The following ERLEC1 variants were observed in gnomAD, a reference collection of about 807,000 sequenced individuals.
The protein encoded by ERLEC1 is endoplasmic reticulum lectin 1.
Under a neutral mutation model 68.0 loss-of-function variants are expected in ERLEC1, and 47 were observed. The ratio of observed to expected loss-of-function variants is 0.69; its 90% CI spans 0.55 to 0.88. ERLEC1 has a LOEUF of 0.88. ERLEC1 is among the 40% of genes least tolerant of loss of function. The pLI is 0.00. For missense variants in ERLEC1, 567 were observed against 583.8 expected, an observed-to-expected ratio of 0.97 and a Z score of 0.30; for synonymous variants, 225 against 203.2, an observed-to-expected ratio of 1.11 and a Z score of -0.91.
At chr2:53,812,835 A>G in intron 10 of ERLEC1, 114 bp from the exon 11 acceptor site, 2 of 1,038,742 alleles carry the variant, frequency 1.9e-6, no homozygotes, top group East Asian at 2.6e-5. Flanking sequence ...ACACCTAAAT[A>G]TAGATATCCA....
intron 1 of ERLEC1, among the ~76,000 whole-genome samples, chr2:53,790,735 A>G (rs562199100): frequency 3.4e-4 from 52 of 152,266 alleles, no homozygotes; most frequent in African/African-American, 1.1e-3. Context: ...AGCCTCTTAA[A>G]GCGCTGGGAT....
At chr2:53,800,803 T>G (rs1675962620) in intron 6 of ERLEC1, among the ~76,000 whole-genome samples, 1 of 152,180 alleles carries the variant, frequency 6.6e-6, no homozygotes, top group Admixed American at 6.5e-5. Flanking sequence ...TTGCTGGCCT[T>G]GAGTATATTT....
chr2:53,792,696 G>T (rs960927090), intron 1 of ERLEC1, among the ~76,000 whole-genome samples: 1 of 152,150 alleles, frequency 6.6e-6, no homozygotes, highest in Non-Finnish European at 1.5e-5. Context: ...TTACAGTGGT[G>T]CCAAGTAGTA....
chr2:53,810,591 G>T (rs112788683), intron 10 of ERLEC1, among the ~76,000 whole-genome samples: 1,540 of 152,120 alleles, frequency 0.01, 26 homozygotes, highest in African/African-American at 0.035. Context: ...ATCTAAAAAA[G>T]AAAATAATAC....
intron 11 of ERLEC1, 145 bp from the exon 12 acceptor site, chr2:53,814,398 A>T: frequency 1.9e-6 from 1 of 512,842 alleles, no homozygotes; most frequent in Non-Finnish European, 3.4e-6. Flanking sequence ...CCCTAAAAAT[A>T]TTTTTTTAAA....
intron 1 of ERLEC1, among the ~76,000 whole-genome samples, chr2:53,789,310 C>G (rs984198761): frequency 1.3e-5 from 2 of 148,820 alleles, no homozygotes; most frequent in Admixed American, 1.4e-4. Flanking sequence ...AGGAGAATCG[C>G]TTAAACCCGG....
Position 53,808,363 on chromosome 2 carries a change from C to G in ERLEC1, c.944C>G (p.Ser315Cys). ...PAIHKSIAIG[S>C]QPVLTVGTTH... ...ATCCACAAGTCGATTGCTATTGGCT[C>G]TCAGCCAGTGCTCACTGTTGGGACA... is the stretch of plus-strand genomic sequence containing the variant. The change falls in exon 9 of 14, where the codon TCT (serine) becomes TGT (cysteine). Residue 315 changes from serine to cysteine, a missense_variant. Physicochemically the swap from Ser to Cys is moderately radical, Grantham distance 112. Transcript: ENST00000185150. 2 of 1,614,158 alleles carry G rather than the reference C, an allele frequency of 1.2e-6. No individual in the cohort carries two copies. Among genetic ancestry groups the G allele is most frequent in the African/African-American group, 1.3e-5 (1 of 75,050 alleles).
intron 1 of ERLEC1, among the ~76,000 whole-genome samples, chr2:53,791,530 T>G (rs1252886737): frequency 6.6e-6 from 1 of 152,226 alleles, no homozygotes; most frequent in African/African-American, 2.4e-5. Context: ...CCGTAATTCC[T>G]GTTACCAAAA....
Position 53,787,135 on chromosome 2 carries a change from C to T in ERLEC1, c.-76C>T, listed in dbSNP as rs554582191. The T allele has an allele frequency of 8.3e-5, 108 of 1,296,574 alleles. No homozygotes were observed. The Middle Eastern group carries it at 1.1e-3, about 13-fold the overall frequency. The allele number at this position is 1,296,574 out of a possible 1,614,324, so 80.3% of individuals were successfully genotyped here. A position where few individuals can be genotyped will look rare whatever the true frequency, so the allele number is the denominator to read the frequency against. Reference sequence around the variant, plus strand: ...CTTTATAGTCCCGCCGCCTCCTCCTCCACCTCCTCCTCCTCCTCCTCTCCT... The same window carrying T: ...CTTTATAGTCCCGCCGCCTCCTCCTTCACCTCCTCCTCCTCCTCCTCTCCT... On this transcript the variant is annotated 5_prime_UTR_variant, in exon 1 of 14. Transcript: ENST00000185150.
rs1237104666 is a variant in ERLEC1 at position 53,818,377 on chromosome 2, T to G, written c.*408T>G. The G allele has an allele frequency of 6.4e-6, 1 of 155,252 alleles. No individual in the cohort carries two copies. Among genetic ancestry groups the G allele is most frequent in the Non-Finnish European group, 1.4e-5 (1 of 69,860 alleles). The allele number at this position is 155,252 out of a possible 1,614,324, so 9.6% of individuals were successfully genotyped here. On this transcript the variant is annotated 3_prime_UTR_variant, in exon 14 of 14. Transcript: ENST00000185150. ...GAAGTAAAGATCATGAAGAAAGAAA[T>G]TGATAGGTGTAAATGAGAGACCATG... is the stretch of plus-strand genomic sequence containing the variant.
At chr2:53,795,232 G>T (rs1342890914) in intron 2 of ERLEC1, among the ~76,000 whole-genome samples, 2 of 152,172 alleles carry the variant, frequency 1.3e-5, no homozygotes, top group African/African-American at 4.8e-5. Context: ...AAAATGGGAA[G>T]GACACCGGCC....
chr2:53,796,849 G>A (rs1675733277), intron 3 of ERLEC1, among the ~76,000 whole-genome samples: 1 of 140,502 alleles, frequency 7.1e-6, no homozygotes, highest in South Asian at 2.3e-4. Context: ...TTACCAAGCT[G>A]TTTTGAATGT....
At chr2:53,807,398 G>C (rs1332327076) in intron 8 of ERLEC1, among the ~76,000 whole-genome samples, 1 of 129,058 alleles carries the variant, frequency 7.7e-6, no homozygotes, top group Non-Finnish European at 1.6e-5. Context: ...ACTGTCCTCT[G>C]TGCCCTTACT....
At chr2:53,790,947 CAAATT>C (rs1675361821) in intron 1 of ERLEC1, among the ~76,000 whole-genome samples, 3 of 152,162 alleles carry the variant, frequency 2.0e-5, no homozygotes, top group Non-Finnish European at 4.4e-5. Flanking sequence ...GAGATTTCAC[CAAATT>C]AAACCACAAA....
chr2:53,791,425 T>G (rs1675387817), intron 1 of ERLEC1, among the ~76,000 whole-genome samples: 1 of 152,236 alleles, frequency 6.6e-6, no homozygotes, highest in South Asian at 2.1e-4. Flanking sequence ...TTATTATATT[T>G]TGTTTTCTTA....
At chr2:53,815,012 TTTTTG>T in intron 13 of ERLEC1, 77 bp downstream of exon 13, 3 of 985,980 alleles carry the variant, frequency 3.0e-6, no homozygotes, top group Non-Finnish European at 2.9e-6. Context: ...TTTTTTTTTT[TTTTTG>T]TTTTTTTGAG....
At chr2:53,812,637 A>G (rs377436355) in intron 10 of ERLEC1, among the ~76,000 whole-genome samples, 1 of 152,212 alleles carries the variant, frequency 6.6e-6, no homozygotes, top group South Asian at 2.1e-4. Context: ...GGAAGAGTCT[A>G]AAGCTGAAAA....
intron 1 of ERLEC1, among the ~76,000 whole-genome samples, chr2:53,792,449 A>G (rs758537073): frequency 6.6e-6 from 1 of 152,180 alleles, no homozygotes; most frequent in Non-Finnish European, 1.5e-5. Context: ...ATCTGTTTGA[A>G]TTCTCTGGCC....
intron 10 of ERLEC1, 134 bp from the exon 11 acceptor site, chr2:53,812,814 CT>C (rs1343891830): frequency 1.2e-6 from 1 of 823,082 alleles, no homozygotes; most frequent in African/African-American, 1.8e-5. Flanking sequence ...TTGAATTTGA[CT>C]GACATCATTA....
Sources: allele counts gnomAD v4.1 joint callset (sites outside exome capture counted in the v4.1 genomes callset), GRCh38; gene constraint gnomAD v4.1.1; transcripts MANE v1.5; gene names NCBI Gene and HGNC (gene_info 2026-07-23, HGNC 2026-07-21).